The following TBC1D31 variants were observed in gnomAD, a reference collection of about 807,000 sequenced individuals.
TBC1D31 encodes WD repeat domain 67.
TBC1D31 carries 99 observed loss-of-function variants against 132.9 expected under a neutral mutation model. The ratio of observed to expected loss-of-function variants is 0.74; its 90% CI spans 0.63 to 0.88. The LOEUF (loss-of-function observed/expected upper bound fraction) is 0.88, where lower values mean the gene tolerates loss of function less well. Ranked by LOEUF, TBC1D31 falls within the 40% of genes least tolerant of loss-of-function variation. The pLI, the probability that TBC1D31 is intolerant of heterozygous loss-of-function variation, is 0.00. For synonymous variants in TBC1D31, 385 were observed against 419.4 expected (o/e 0.92, Z 1.00); for missense variants, 1,134 against 1,256.6 (o/e 0.90, Z 1.48).
In TBC1D31 at chr8:123,126,655, C is replaced by G. The variant is rs1297405344; in HGVS notation, c.1852C>G (p.Leu618Val). The stretch of plus-strand genomic sequence containing the variant: ...CTACAACATATGTTCTAGAACGCCT[C>G]TGCTCAGCTGTAATCTTAAAGATGA... Reference protein sequence around the residue: ...VAYNICSRTPLLSCNLKDDFE... With the variant: ...VAYNICSRTPVLSCNLKDDFE... The change falls in exon 13 of 22, where the codon CTG (leucine) becomes GTG (valine). Residue 618 changes from leucine (L) to valine (V), a missense_variant. By Grantham distance (32) the Leu-to-Val change is conservative. Transcript: ENST00000287380. 1.2e-6 allele frequency: 2 copies of G among 1,613,164 alleles called. No homozygotes were observed. The highest frequency in any genetic ancestry group is 3.3e-5 in the Admixed American group (2 of 59,838).
rs34994118 is a variant in TBC1D31 at position 123,151,931 on chromosome 8, G to A, written c.3193G>A (p.Ala1065Thr). Residue 1065 changes from alanine (A) to threonine (T), a missense_variant, in exon 22 of 22, where the codon GCT becomes ACT. Physicochemically the swap from Ala to Thr is moderately conservative, Grantham distance 58 (BLOSUM62 0). Coordinates refer to ENST00000287380, the MANE Select transcript of TBC1D31 (RefSeq NM_145647.4). ...RHRCQTPHLL[A>T]A Reference sequence around the variant, plus strand: ...CAGATGTCAAACCCCTCATCTTTTGGCTGCATAGAATGCATGTCACCTTGA... The same window carrying A: ...CAGATGTCAAACCCCTCATCTTTTGACTGCATAGAATGCATGTCACCTTGA... 3.3e-3 allele frequency: 5,051 copies of A among 1,541,436 alleles called. 135 individuals carry two copies. In the African/African-American group the frequency reaches 0.062, roughly 19 times the overall value.
rs144317343 is a variant in TBC1D31 at position 123,120,387 on chromosome 8, G to A, written c.1570+199G>A. On this transcript the variant is annotated intron_variant, in intron 11 of 21. Coordinates refer to ENST00000287380, the MANE Select transcript of TBC1D31 (RefSeq NM_145647.4). The stretch of plus-strand genomic sequence containing the variant: ...AACCTTTTTATTTAGAAGAAAATCT[G>A]GAGGCCGGGCACGGTGGCTCATGCC... 7.7e-3 allele frequency among the ~76,000 whole-genome samples: 1,178 copies of A among 152,258 alleles called. 19 individuals are homozygous for A. Among genetic ancestry groups the A allele is most frequent in the African/African-American group, 0.026 (1,090 of 41,552 alleles).
intron 11 of TBC1D31, among the ~76,000 whole-genome samples, chr8:123,124,938 CA>C (rs1310001681): frequency 0.039 from 3,190 of 81,038 alleles, 80 homozygotes; most frequent in African/African-American, 0.12. Flanking sequence ...CTCCGTCTCA[CA>C]AAAAAAAAAA....
intron 15 of TBC1D31, among the ~76,000 whole-genome samples, 183 bp downstream of exon 15, chr8:123,129,401 G>C (rs1820405095): frequency 6.6e-6 from 1 of 152,088 alleles, no homozygotes; most frequent in Non-Finnish European, 1.5e-5. Flanking sequence ...AAAAAAAATT[G>C]CTATGTAGTA....
At chr8:123,148,142 T>A (rs1003829684) in intron 20 of TBC1D31, among the ~76,000 whole-genome samples, 18 of 145,384 alleles carry the variant, frequency 1.2e-4, no homozygotes, top group African/African-American at 4.1e-4. Flanking sequence ...AAAAAAAAAA[T>A]ACAAACCTAT....
rs1483151432 is a variant in TBC1D31 at position 123,100,956 on chromosome 8, T to C, written c.981T>C (p.Asn327=). The C allele has an allele frequency of 6.2e-7, 1 of 1,613,946 alleles. No homozygotes were observed. Among genetic ancestry groups the C allele is most frequent in the East Asian group, 2.2e-5 (1 of 44,836 alleles). ...GGTACATTGCATCTATTATGGAAAATGGAAGTCTAAACATATATTCAGTTC... is the reference window on the plus strand; with the variant it reads ...GGTACATTGCATCTATTATGGAAAACGGAAGTCTAAACATATATTCAGTTC... ...HGRYIASIME[N]GSLNIYSVQA... The change falls in exon 7 of 22, where the codon AAT becomes AAC. Residue 327 remains asparagine (N), a synonymous_variant. Transcript: ENST00000287380.
At chr8:123,098,169 A>G (rs1817017798) in intron 6 of TBC1D31, among the ~76,000 whole-genome samples, 1 of 152,214 alleles carries the variant, frequency 6.6e-6, no homozygotes, top group Non-Finnish European at 1.5e-5. Context: ...ATAAAACAGC[A>G]TACAGTAGGA....
intron 8 of TBC1D31, among the ~76,000 whole-genome samples, chr8:123,108,416 G>T (rs900555968): frequency 1.3e-5 from 2 of 152,020 alleles, no homozygotes. Context: ...TGTCTGTTAG[G>T]ATAAAATGAT....
At chr8:123,131,418 A>G (rs755936062) in intron 16 of TBC1D31, among the ~76,000 whole-genome samples, 6 of 150,038 alleles carry the variant, frequency 4.0e-5, no homozygotes, top group East Asian at 2.0e-4. Flanking sequence ...GGTATGTTCT[A>G]TAGATAGAGG....
chr8:123,089,395 A>G (rs974158349), intron 4 of TBC1D31, among the ~76,000 whole-genome samples: 1 of 152,224 alleles, frequency 6.6e-6, no homozygotes, highest in African/African-American at 2.4e-5. Context: ...CAAGCCTATG[A>G]TAGGATTATC....
In TBC1D31 at chr8:123,139,282, A is replaced by G. The variant is rs1821403976; in HGVS notation, c.2500-1479A>G. Among the ~76,000 whole-genome samples the G allele has an allele frequency of 3.3e-5, 5 of 152,308 alleles. No homozygotes were observed. In the South Asian group the frequency reaches 1.0e-3, roughly 32 times the overall value. On this transcript the variant is annotated intron_variant, in intron 17 of 21. Coordinates refer to ENST00000287380, the MANE Select transcript of TBC1D31 (RefSeq NM_145647.4). ...TGATAGACCCATCATAAAATCAAAA[A>G]ATCATTACGTCAACTCAAAGACCGT...
chr8:123,134,770 G>A (rs947041275), intron 17 of TBC1D31, among the ~76,000 whole-genome samples: 1 of 152,126 alleles, frequency 6.6e-6, no homozygotes, highest in Non-Finnish European at 1.5e-5. Flanking sequence ...TTTGCCTCAG[G>A]ATTTTTTACC....
chr8:123,074,326 T>G (rs1464570604), intron 1 of TBC1D31, among the ~76,000 whole-genome samples: 1 of 152,168 alleles, frequency 6.6e-6, no homozygotes, highest in Non-Finnish European at 1.5e-5. Context: ...GGCCGACAAA[T>G]CAGTTTTAAG....
intron 4 of TBC1D31, among the ~76,000 whole-genome samples, chr8:123,088,859 C>T (rs1490092607): frequency 6.6e-6 from 1 of 152,138 alleles, no homozygotes; most frequent in African/African-American, 2.4e-5. Context: ...TCAGAAAATG[C>T]CCCACATTCT....
chr8:123,094,124 G>A (rs1816619728), intron 5 of TBC1D31, among the ~76,000 whole-genome samples: 2 of 151,828 alleles, frequency 1.3e-5, no homozygotes, highest in African/African-American at 4.8e-5. Context: ...GAGTGTAGTG[G>A]CATGATCTCA....
At position 123,130,189 on chromosome 8, in the gene TBC1D31, G is replaced by A. The variant is rs182463278; in HGVS notation, c.2271-9G>A. ...GTATTTGTTCCACTTGATGTATTTT[G>A]TATTTAAGGCTAGCTGCTGTGAAAA... On this transcript the variant is annotated splice_polypyrimidine_tract_variant and intron_variant, in intron 15 of 21. Transcript: ENST00000287380. The A allele has an allele frequency of 1.6e-4, 252 of 1,602,220 alleles. No homozygotes were observed. The highest frequency in any genetic ancestry group is 2.0e-4 in the Non-Finnish European group (233 of 1,175,050).
chr8:123,082,223 AT>A (rs1428439268), intron 2 of TBC1D31, among the ~76,000 whole-genome samples: 1 of 152,096 alleles, frequency 6.6e-6, no homozygotes, highest in Non-Finnish European at 1.5e-5. Context: ...CTCAACATGT[AT>A]TCTTTCATTT....
chr8:123,109,333 G>A lies in TBC1D31; in HGVS notation c.1226G>A (p.Gly409Glu). The change falls in exon 9 of 22, where the codon GGA becomes GAA. Residue 409 changes from glycine to glutamate, a missense_variant. Physicochemically the swap from Gly to Glu is moderately conservative, Grantham distance 98 (BLOSUM62 -2). Transcript: ENST00000287380. ...FESKKNELPDGLNKKRLQILL... is the reference protein window; with the variant it reads ...FESKKNELPDELNKKRLQILL... ...TCTTTGTAGAATGAATTACCAGATGGATTAAACAAAAAGCGTTTACAAATC... is the reference window on the plus strand; with the variant it reads ...TCTTTGTAGAATGAATTACCAGATGAATTAAACAAAAAGCGTTTACAAATC... 1.9e-6 allele frequency: 3 copies of A among 1,595,438 alleles called. No homozygotes were observed. Among genetic ancestry groups the A allele is most frequent in the Middle Eastern group, 1.7e-4 (1 of 5,924 alleles).
chr8:123,110,960 G>A (rs941480881), intron 10 of TBC1D31, among the ~76,000 whole-genome samples: 11 of 151,988 alleles, frequency 7.2e-5, no homozygotes, highest in Admixed American at 1.3e-4. Context: ...AAACCAGATC[G>A]TTTAACCCAT....
Sources: gnomAD v4.1 joint callset for allele counts (sites outside exome capture counted in the v4.1 genomes callset) on GRCh38, gnomAD v4.1.1 for gene constraint, MANE v1.5 for transcripts, NCBI Gene and HGNC (gene_info 2026-07-23, HGNC 2026-07-21) for gene names.